The following CNTLN variants were observed in gnomAD, a reference collection of about 807,000 sequenced individuals.
The protein encoded by CNTLN is centlein, centrosomal protein.
CNTLN carries 212 observed loss-of-function variants against 180.0 expected under a neutral mutation model. The ratio of observed to expected loss-of-function variants is 1.18; its 90% CI spans 1.05 to 1.32. The LOEUF is 1.32. CNTLN is among the 40% of genes most tolerant of loss of function. CNTLN has a pLI of 0.00. For missense variants in CNTLN, 2,095 were observed against 1,610.9 expected (o/e 1.30, Z -5.14); for synonymous variants, 722 against 563.1 (o/e 1.28, Z -3.99).
rs368213775 is a variant in CNTLN at position 17,457,333 on chromosome 9, T to A, written c.3115-191T>A. 3.9e-5 allele frequency among the ~76,000 whole-genome samples: 6 copies of A among 152,208 alleles called. No homozygotes were observed. In the East Asian group the frequency reaches 9.6e-4, roughly 24 times the overall value. ...ATAGCTGGTTCACTTTGTTTTACCT[T>A]TGCAAGCCATACTACTATAAGCAAA... On this transcript the variant is annotated intron_variant, in intron 18 of 25. Coordinates refer to ENST00000380647, the MANE Select transcript of CNTLN (RefSeq NM_017738.4).
intron 23 of CNTLN, among the ~76,000 whole-genome samples, chr9:17,474,565 A>G (rs1832224532): frequency 1.3e-5 from 2 of 152,128 alleles, no homozygotes; most frequent in Non-Finnish European, 2.9e-5. Flanking sequence ...TGGCAGAATG[A>G]TCCTTTTAAA....
chr9:17,353,302 T>TTC (rs1409915022), intron 12 of CNTLN, among the ~76,000 whole-genome samples: 1 of 151,134 alleles, frequency 6.6e-6, no homozygotes, highest in Non-Finnish European at 1.5e-5. Context: ...TTTTTTTTTT[T>TTC]TTTACAGTGG....
chr9:17,264,767 T>G (rs895335124), intron 5 of CNTLN, among the ~76,000 whole-genome samples: 18 of 152,136 alleles, frequency 1.2e-4, no homozygotes, highest in African/African-American at 2.4e-4. Flanking sequence ...TCCCTTGTAA[T>G]TTGGATTCCT....
intron 2 of CNTLN, among the ~76,000 whole-genome samples, chr9:17,146,414 C>T (rs1039104091): frequency 6.6e-6 from 1 of 152,040 alleles, no homozygotes; most frequent in Non-Finnish European, 1.5e-5. Flanking sequence ...ATGTTGGTGT[C>T]CCCCCAAAAT....
intron 18 of CNTLN, among the ~76,000 whole-genome samples, chr9:17,437,046 T>A (rs1829820158): frequency 6.6e-6 from 1 of 152,226 alleles, no homozygotes; most frequent in Admixed American, 6.5e-5. Flanking sequence ...GTGCGTGACA[T>A]AGCCTGTCTC....
At chr9:17,404,404 G>T (rs1390342870) in intron 15 of CNTLN, among the ~76,000 whole-genome samples, 1 of 151,720 alleles carries the variant, frequency 6.6e-6, no homozygotes, top group Non-Finnish European at 1.5e-5. Context: ...GGATTTGAGA[G>T]TCCTGATGCC....
intron 13 of CNTLN, among the ~76,000 whole-genome samples, chr9:17,375,666 G>C (rs1342632053): frequency 1.3e-5 from 2 of 151,934 alleles, no homozygotes; most frequent in African/African-American, 4.8e-5. Flanking sequence ...TTAATATTTT[G>C]GTTAGGCATT....
the CNTLN span, among the ~76,000 whole-genome samples, chr9:17,518,229 G>A: frequency 1.3e-5 from 2 of 151,574 alleles, no homozygotes; most frequent in East Asian, 2.0e-4. Context: ...TGCATTTTTA[G>A]TAGAGATGGG....
intron 6 of CNTLN, among the ~76,000 whole-genome samples, chr9:17,285,415 T>G (rs1169031696): frequency 6.7e-6 from 1 of 149,010 alleles, no homozygotes; most frequent in East Asian, 2.0e-4. Context: ...TGTTGGACAT[T>G]TGGGTTGGTT....
At chr9:17,189,054 T>A (rs532104350) in intron 2 of CNTLN, among the ~76,000 whole-genome samples, 7 of 150,644 alleles carry the variant, frequency 4.6e-5, no homozygotes, top group South Asian at 2.1e-4. Context: ...GTTAATCAAT[T>A]TGAGCTTTTT....
intron 13 of CNTLN, among the ~76,000 whole-genome samples, chr9:17,384,902 C>T (rs1564056239): frequency 6.6e-6 from 1 of 152,134 alleles, no homozygotes. Context: ...ATTCTAGCTA[C>T]TTAGAATTAG....
At chr9:17,278,156 T>G (rs1408368513) in intron 6 of CNTLN, among the ~76,000 whole-genome samples, 1 of 152,122 alleles carries the variant, frequency 6.6e-6, no homozygotes, top group African/African-American at 2.4e-5. Flanking sequence ...CACCAGCTAG[T>G]GCCTCCAACT....
intron 2 of CNTLN, among the ~76,000 whole-genome samples, chr9:17,144,936 G>T (rs1247724224): frequency 6.6e-6 from 1 of 151,070 alleles, no homozygotes; most frequent in African/African-American, 2.4e-5. Context: ...CCGCTTCCCG[G>T]GTTCACGCCA....
chr9:17,357,561 G>GTA (rs1449729676), intron 12 of CNTLN, among the ~76,000 whole-genome samples: 1 of 143,630 alleles, frequency 7.0e-6, no homozygotes, highest in African/African-American at 2.5e-5. Context: ...TGGGTACCAT[G>GTA]TATATATATA....
intron 18 of CNTLN, among the ~76,000 whole-genome samples, chr9:17,419,611 A>T: frequency 6.6e-6 from 1 of 152,210 alleles, no homozygotes; most frequent in East Asian, 1.9e-4. Flanking sequence ...ATGAGAAATT[A>T]ACTTTGTTTT....
Position 17,236,470 on chromosome 9 carries a change from A to T in CNTLN, c.731A>T (p.Glu244Val). Reference sequence around the variant, plus strand: ...AACAGACTAGTTATAAAAAATCTGGAGGAGGAAAACAAGAAATTAAGTACC... The same window carrying T: ...AACAGACTAGTTATAAAAAATCTGGTGGAGGAAAACAAGAAATTAAGTACC... The part of the protein sequence containing the change: ...EQNRLVIKNL[E>V]EENKKLSTRC... The change falls in exon 5 of 26, where the codon GAG (glutamate) becomes GTG (valine). Residue 244 changes from glutamate to valine, a missense_variant. Glu to Val is a moderately radical substitution (Grantham distance 121). Coordinates refer to ENST00000380647, the MANE Select transcript of CNTLN (RefSeq NM_017738.4). 1 of 1,613,758 alleles carries T rather than the reference A, an allele frequency of 6.2e-7. No homozygotes were observed. Among genetic ancestry groups the T allele is most frequent in the Non-Finnish European group, 8.5e-7 (1 of 1,179,754 alleles).
At position 17,170,812 on chromosome 9, in the gene CNTLN, T is replaced by C. The variant is rs541597934; in HGVS notation, c.449+27436T>C. Among the ~76,000 whole-genome samples, 47 of 152,304 alleles carry C rather than the reference T, an allele frequency of 3.1e-4. 1 individual carries two copies. The South Asian group carries it at 5.0e-3, about 16-fold the overall frequency. On this transcript the variant is annotated intron_variant, in intron 2 of 25. Transcript: ENST00000380647. ...CAATGTTTTGGTCAATGATGGACTA[T>C]ATATCTGATGGTAGTCCCATAAGAT...
chr9:17,298,617 C>T (rs1818122633), intron 7 of CNTLN: 5 of 1,067,540 alleles, frequency 4.7e-6, no homozygotes, highest in Non-Finnish European at 5.7e-6. Context: ...GGCATTCAGA[C>T]AGCTTCTGTG....
rs1171853857 is a variant in CNTLN, at chr9:17,210,808, A to C, written c.450-15395A>C. ...ATTTGCATTTCTTTGATGGCCAGTGATGATGAGCATTTTTTCATGTGTCTG... is the reference window on the plus strand; with the variant it reads ...ATTTGCATTTCTTTGATGGCCAGTGCTGATGAGCATTTTTTCATGTGTCTG... On this transcript the variant is annotated intron_variant, in intron 2 of 25. Transcript: ENST00000380647. Among the ~76,000 whole-genome samples, 5 of 152,336 alleles carry C rather than the reference A, an allele frequency of 3.3e-5. No individual in the cohort carries two copies. The East Asian group carries it at 9.6e-4, about 29-fold the overall frequency.
Sources: gnomAD v4.1 joint callset for allele counts (sites outside exome capture counted in the v4.1 genomes callset) on GRCh38, gnomAD v4.1.1 for gene constraint, MANE v1.5 for transcripts, NCBI Gene and HGNC (gene_info 2026-07-23, HGNC 2026-07-21) for gene names.